The following LHCGR variants were observed in gnomAD, a reference collection of about 807,000 sequenced individuals.
The protein encoded by LHCGR is lutropin-choriogonadotropic hormone receptor.
LHCGR carries 55 observed loss-of-function variants against 60.7 expected under a neutral mutation model. The ratio of observed to expected loss-of-function variants is 0.91; its 90% CI spans 0.73 to 1.13. The LOEUF (loss-of-function observed/expected upper bound fraction) is 1.13, where lower values mean the gene tolerates loss of function less well. Among genes scored for constraint, LHCGR ranks in the 50% most tolerant of loss-of-function variants. The probability of loss-of-function intolerance (pLI) is 0.00; values close to 1 mark genes in which losing one functional copy is unlikely to be tolerated. For missense variants in LHCGR, 862 were observed against 836.0 expected, an observed-to-expected ratio of 1.03 and a Z score of -0.38; for synonymous variants, 337 against 316.5, an observed-to-expected ratio of 1.06 and a Z score of -0.69.
intron 8 of LHCGR, among the ~76,000 whole-genome samples, chr2:48,701,290 C>T (rs759493100): frequency 1.1e-4 from 16 of 152,034 alleles, no homozygotes; most frequent in Non-Finnish European, 2.2e-4. Context: ...GCCTCCCCAT[C>T]TCATTAAAAA....
At chr2:48,701,439 C>A (rs746757942) in intron 8 of LHCGR, among the ~76,000 whole-genome samples, 2 of 152,188 alleles carry the variant, frequency 1.3e-5, no homozygotes, top group Non-Finnish European at 2.9e-5. Context: ...ATACACAAGG[C>A]AAGATTCTGT....
At chr2:48,711,015 AC>A (rs1352454430) in intron 7 of LHCGR, among the ~76,000 whole-genome samples, 2 of 151,968 alleles carry the variant, frequency 1.3e-5, no homozygotes, top group African/African-American at 4.8e-5. Context: ...CTTGCTAAAG[AC>A]CCTCCAGCCA....
At position 48,755,547 on chromosome 2, in the gene LHCGR, A is replaced by G. The variant is rs1670169516; in HGVS notation, c.125T>C (p.Leu42Pro). The change falls in exon 1 of 11, where the codon CTG (leucine) becomes CCG (proline). Residue 42 changes from leucine to proline, a missense_variant. Transcript: ENST00000294954. ...ACCGGCCGTGGGGCCGGGGCAGCGCAGGGCGCCGTCGGGCACGCAGTTGCA... is the reference window on the plus strand; with the variant it reads ...ACCGGCCGTGGGGCCGGGGCAGCGCGGGGCGCCGTCGGGCACGCAGTTGCA... ...EPCNCVPDGA[L>P]RCPGPTAGLT... The G allele has an allele frequency of 6.5e-7, 1 of 1,541,838 alleles. No individual in the cohort carries two copies.
intron 6 of LHCGR, among the ~76,000 whole-genome samples, chr2:48,719,236 C>T (rs543754107): frequency 1.3e-4 from 20 of 152,190 alleles, no homozygotes; most frequent in African/African-American, 3.6e-4. Context: ...GCAGGAGAAT[C>T]GCTTGAACCC....
At chr2:48,696,053 G>C (rs193140820) in intron 9 of LHCGR, among the ~76,000 whole-genome samples, 4 of 144,808 alleles carry the variant, frequency 2.8e-5, no homozygotes, top group Non-Finnish European at 4.6e-5. Flanking sequence ...GAGGTCTACA[G>C]AAAAAAAAAA....
At chr2:48,707,640 G>A (rs1286394156) in intron 8 of LHCGR, among the ~76,000 whole-genome samples, 1 of 152,244 alleles carries the variant, frequency 6.6e-6, no homozygotes, top group Non-Finnish European at 1.5e-5. Flanking sequence ...AGCTGTATTG[G>A]GCTCCGCCCA....
intron 7 of LHCGR, among the ~76,000 whole-genome samples, chr2:48,709,685 A>T (rs1241886696): frequency 2.0e-5 from 3 of 152,074 alleles, no homozygotes; most frequent in Non-Finnish European, 4.4e-5. Flanking sequence ...AAGGCTGTGG[A>T]AGAAGCCAAA....
intron 10 of LHCGR, among the ~76,000 whole-genome samples, chr2:48,689,740 G>A (rs1238937488): frequency 6.6e-6 from 1 of 151,660 alleles, no homozygotes; most frequent in African/African-American, 2.4e-5. Context: ...TTTTGAGACG[G>A]AGTCTTGCTC....
intron 1 of LHCGR, among the ~76,000 whole-genome samples, chr2:48,739,467 G>T (rs920659713): frequency 1.3e-4 from 20 of 152,296 alleles, no homozygotes; most frequent in Non-Finnish European, 2.8e-4. Flanking sequence ...ATACACCATG[G>T]AATACTATGC....
intron 1 of LHCGR, among the ~76,000 whole-genome samples, chr2:48,745,375 C>A (rs1469545973): frequency 6.6e-6 from 1 of 151,962 alleles, no homozygotes; most frequent in Non-Finnish European, 1.5e-5. Context: ...TAAATCATGC[C>A]GCTATAAAGA....
At chr2:48,703,905 C>T (rs1232854376) in intron 8 of LHCGR, among the ~76,000 whole-genome samples, 1 of 152,172 alleles carries the variant, frequency 6.6e-6, no homozygotes, top group East Asian at 1.9e-4. Context: ...ATTGCCCTGG[C>T]CAGAACTTCC....
At chr2:48,748,808 T>G (rs774858620) in intron 1 of LHCGR, among the ~76,000 whole-genome samples, 10 of 152,196 alleles carry the variant, frequency 6.6e-5, no homozygotes, top group Non-Finnish European at 1.3e-4. Context: ...ATCATGTCCC[T>G]TTTACAGACA....
At chr2:48,745,987 C>A (rs1047557357) in intron 1 of LHCGR, among the ~76,000 whole-genome samples, 7 of 152,004 alleles carry the variant, frequency 4.6e-5, no homozygotes, top group Non-Finnish European at 8.8e-5. Flanking sequence ...TAGTTAAGAG[C>A]GCACACTCTG....
Position 48,687,594 on chromosome 2 carries a change from A to T in LHCGR, c.*103T>A. ...CTCTTGCCTAATGTACCTAAAAATA[A>T]ATAATTTCCTAAATCCAACCCTTTA... is the stretch of plus-strand genomic sequence containing the variant. On this transcript the variant is annotated 3_prime_UTR_variant, in exon 11 of 11. Transcript: ENST00000294954. 1 of 987,412 alleles carries T rather than the reference A, an allele frequency of 1.0e-6. No individual in the cohort carries two copies. Among genetic ancestry groups the T allele is most frequent in the Non-Finnish European group, 1.6e-6 (1 of 633,242 alleles). 61.2% of individuals were successfully genotyped at this position (987,412 alleles called of 1,614,324 possible).
At chr2:48,748,948 C>A (rs537512404) in intron 1 of LHCGR, among the ~76,000 whole-genome samples, 1 of 152,284 alleles carries the variant, frequency 6.6e-6, no homozygotes, top group East Asian at 1.9e-4. Flanking sequence ...GCATTGGACC[C>A]TACCCTGTCA....
chr2:48,727,099 C>T (rs1668771944), intron 3 of LHCGR, among the ~76,000 whole-genome samples: 1 of 151,914 alleles, frequency 6.6e-6, no homozygotes, highest in Non-Finnish European at 1.5e-5. Context: ...CATATAGAGC[C>T]TTATGTGGGT....
chr2:48,747,131 A>G (rs9798043), intron 1 of LHCGR, among the ~76,000 whole-genome samples: 117,548 of 151,504 alleles, frequency 0.78, 46,005 homozygotes, highest in African/African-American at 0.88. Context: ...GCTCTGTTGC[A>G]GAGGCTGGAG....
intron 7 of LHCGR, among the ~76,000 whole-genome samples, chr2:48,710,539 T>G (rs1424240987): frequency 6.6e-6 from 1 of 152,220 alleles, no homozygotes; most frequent in Non-Finnish European, 1.5e-5. Context: ...TTTCCCACAT[T>G]TTCCTGGGGG....
chr2:48,750,393 A>T (rs905098567), intron 1 of LHCGR, among the ~76,000 whole-genome samples: 1 of 152,296 alleles, frequency 6.6e-6, no homozygotes, highest in South Asian at 2.1e-4. Flanking sequence ...AACAATCTAG[A>T]TGGAATATAC....
Sources: allele counts gnomAD v4.1 joint callset (sites outside exome capture counted in the v4.1 genomes callset), GRCh38; gene constraint gnomAD v4.1.1; transcripts MANE v1.5; gene names NCBI Gene and HGNC (gene_info 2026-07-23, HGNC 2026-07-21).